RTL1: variants seen among roughly 807,000 people sequenced by gnomAD.
RTL1 encodes retrotransposon-like protein 1.
For missense variants in RTL1, 1,681 were observed against 1,767.5 expected, an observed-to-expected ratio of 0.95 and a Z score of 0.88; for synonymous variants, 727 against 748.4, an observed-to-expected ratio of 0.97 and a Z score of 0.47.
Position 100,893,895 on chromosome 14 carries a change from A to G in RTL1, c.-148-390T>C, listed in dbSNP as rs1260810016. ...GACTGGGCAAGGACTAAGTCCAGCCAGAGCGTCAGCCTCGCTGGCGTCCTC... is the reference window on the plus strand; with the variant it reads ...GACTGGGCAAGGACTAAGTCCAGCCGGAGCGTCAGCCTCGCTGGCGTCCTC... On this transcript the variant is annotated intron_variant, in intron 2 of 3. Transcript: ENST00000649591. The surrounding 1 kb of genome is among the most constrained non-coding windows in gnomAD (Gnocchi z 4.2). Among the ~76,000 whole-genome samples, 2 of 152,246 alleles carry G rather than the reference A, an allele frequency of 1.3e-5. No homozygotes were observed. Among genetic ancestry groups the G allele is most frequent in the Non-Finnish European group, 2.9e-5 (2 of 68,040 alleles).
chr14:100,894,317 A>AG (rs1208877464), intron 2 of RTL1, among the ~76,000 whole-genome samples: 1 of 149,328 alleles, frequency 6.7e-6, no homozygotes, highest in Non-Finnish European at 1.5e-5. Context: ...CTCAAAAAAA[A>AG]AAAAAAAAAG....
In RTL1 at chr14:100,879,879, G is replaced by C. The variant is rs921261116; in HGVS notation, c.*833C>G. ...CCAGAGCCTCTCTGTGACTCGGCAT[G>C]GTCCCCTGGGTGTCTGTGTGCCTTC... On this transcript the variant is annotated 3_prime_UTR_variant, in exon 4 of 4. Coordinates refer to ENST00000649591, the MANE Select transcript of RTL1 (RefSeq NM_001134888.3). Among the ~76,000 whole-genome samples, 1 of 151,970 alleles carries C rather than the reference G, an allele frequency of 6.6e-6. No individual in the cohort carries two copies. Among genetic ancestry groups the C allele is most frequent in the African/African-American group, 2.4e-5 (1 of 41,370 alleles).
Position 100,884,087 on chromosome 14 carries a change from G to A in RTL1, c.702C>T (p.Asp234=). Residue 234 remains aspartate, a synonymous_variant, in exon 4 of 4, where the codon GAC becomes GAT. Transcript: ENST00000649591. ...LQSYPRMFYN[D]RLRVGYVINH... is the part of the protein sequence containing the mutation. ...TGATGACATAGCCAACTCTCAGACG[G>A]TCGTTATAGAACATTCTTGGGTAGC... 6.4e-7 allele frequency: 1 copy of A among 1,551,728 alleles called. No individual in the cohort carries two copies. Among genetic ancestry groups the A allele is most frequent in the Non-Finnish European group, 8.7e-7 (1 of 1,147,000 alleles).
intron 3 of RTL1, among the ~76,000 whole-genome samples, chr14:100,890,323 G>T (rs1306486245): frequency 1.3e-5 from 2 of 151,854 alleles, no homozygotes; most frequent in African/African-American, 4.8e-5. Flanking sequence ...GGCCATGGGG[G>T]GGACAAATCC....
At chr14:100,902,510 C>T (rs533258486) in intron 2 of RTL1, among the ~76,000 whole-genome samples, 4 of 152,184 alleles carry the variant, frequency 2.6e-5, no homozygotes, top group Non-Finnish European at 5.9e-5. Flanking sequence ...TTTTCTATGG[C>T]CCCTTTTCCA....
chr14:100,886,589 A>G (rs1430825983), intron 3 of RTL1, among the ~76,000 whole-genome samples: 2 of 151,374 alleles, frequency 1.3e-5, no homozygotes, highest in African/African-American at 4.9e-5. Context: ...TATAAGAATC[A>G]TCATCATCAT....
Position 100,883,097 on chromosome 14 carries a change from G to A in RTL1, c.1692C>T (p.Asp564=), listed in dbSNP as rs2038642330. Residue 564 remains aspartate, a synonymous_variant, in exon 4 of 4, where the codon GAC becomes GAT. Coordinates refer to ENST00000649591, the MANE Select transcript of RTL1 (RefSeq NM_001134888.3). The surrounding 1 kb of genome is among the most constrained non-coding windows in gnomAD (Gnocchi z 5.9). ...GLPHPYSDLA[D]VFNPKEADDE... ...CATCTGCTTCCTTCGGGTTAAACAC[G>A]TCGGCCAGGTCTGAGTATGGGTGTG... 2.5e-6 allele frequency: 4 copies of A among 1,613,558 alleles called. No homozygotes were observed. Among genetic ancestry groups the A allele is most frequent in the South Asian group, 2.2e-5 (2 of 90,890 alleles).
Position 100,881,652 on chromosome 14 carries a change from A to C in RTL1, c.3137T>G (p.Leu1046Arg). 6.4e-7 allele frequency: 1 copy of C among 1,552,346 alleles called. No individual in the cohort carries two copies. Residue 1046 changes from leucine (L) to arginine (R), a missense_variant, in exon 4 of 4, where the codon CTA becomes CGA. By Grantham distance (102) the Leu-to-Arg change is moderately radical. Coordinates refer to ENST00000649591, the MANE Select transcript of RTL1 (RefSeq NM_001134888.3). The surrounding 1 kb of genome is among the most constrained non-coding windows in gnomAD (Gnocchi z 6.6). ...TATCATGGCCAGCAGCTCTTGCCGT[A>C]GGATCTGTTCATTGAGCTCATCCTG... is the stretch of plus-strand genomic sequence containing the variant. The part of the protein sequence containing the change: ...EEQDELNEQI[L>R]RQELLAMIPI...
chr14:100,890,808 T>C (rs1361683992), intron 3 of RTL1, among the ~76,000 whole-genome samples: 1 of 152,036 alleles, frequency 6.6e-6, no homozygotes, highest in Non-Finnish European at 1.5e-5. Flanking sequence ...CCCCAGCAGC[T>C]CCCTCTGCTG....
Position 100,879,883 on chromosome 14 carries a change from C to A in RTL1, c.*829G>T, listed in dbSNP as rs966233384. On this transcript the variant is annotated 3_prime_UTR_variant, in exon 4 of 4. Transcript: ENST00000649591. ...AGCCTCTCTGTGACTCGGCATGGTC[C>A]CCTGGGTGTCTGTGTGCCTTCTGGG... 2.0e-5 allele frequency among the ~76,000 whole-genome samples: 3 copies of A among 151,810 alleles called. No homozygotes were observed. Among genetic ancestry groups the A allele is most frequent in the African/African-American group, 7.3e-5 (3 of 41,336 alleles).
rs530268505 is a variant in RTL1 at position 100,880,445 on chromosome 14, C to T, written c.*267G>A. Among the ~76,000 whole-genome samples the T allele has an allele frequency of 4.6e-5, 7 of 152,208 alleles. No individual in the cohort carries two copies. The highest frequency in any genetic ancestry group is 1.3e-4 in the Admixed American group (2 of 15,290). ...CTTTCTCCCTCATGGATGTCACTCC[C>T]GGGCATGGGCTTGGGACCTGGAGAA... is the stretch of plus-strand genomic sequence containing the variant. On this transcript the variant is annotated 3_prime_UTR_variant, in exon 4 of 4. Coordinates refer to ENST00000649591, the MANE Select transcript of RTL1 (RefSeq NM_001134888.3).
chr14:100,893,866 C>G lies in RTL1; in HGVS notation c.-148-361G>C, dbSNP rs947608775. 2.0e-5 allele frequency among the ~76,000 whole-genome samples: 3 copies of G among 152,196 alleles called. No individual in the cohort carries two copies. The highest frequency in any genetic ancestry group is 2.9e-5 in the Non-Finnish European group (2 of 68,038). ...CCCGGGCCCACGCTCACTTTAATAACCCGGACTGGGCAAGGACTAAGTCCA... is the reference window on the plus strand; with the variant it reads ...CCCGGGCCCACGCTCACTTTAATAAGCCGGACTGGGCAAGGACTAAGTCCA... On this transcript the variant is annotated intron_variant, in intron 2 of 3. Transcript: ENST00000649591. This position sits in a 1 kb window ranked among gnomAD's most constrained non-coding sequence, Gnocchi z 4.2.
chr14:100,902,583 C>T (rs1334065420), intron 2 of RTL1, among the ~76,000 whole-genome samples: 3 of 152,010 alleles, frequency 2.0e-5, no homozygotes, highest in African/African-American at 7.2e-5. Flanking sequence ...GCTGGCCTCC[C>T]GGCCAGCCCT....
chr14:100,882,207 C>G lies in RTL1; in HGVS notation c.2582G>C (p.Arg861Pro). Residue 861 changes from arginine (R) to proline (P), a missense_variant, in exon 4 of 4, where the codon CGC becomes CCC. Coordinates refer to ENST00000649591, the MANE Select transcript of RTL1 (RefSeq NM_001134888.3). ...GGGGTGGTGGAGGAGAGGCGCCTTG[C>G]GGAAAGCCCTCTTCAGGCACTCGAA... ...EAFECLKRAF[R>P]KAPLLHHPKP... 6.4e-7 allele frequency: 1 copy of G among 1,550,648 alleles called. No homozygotes were observed.
At position 100,881,435 on chromosome 14, in the gene RTL1, G is replaced by C; in HGVS notation, c.3354C>G (p.Pro1118=). The C allele has an allele frequency of 6.4e-7, 1 of 1,550,820 alleles. No individual in the cohort carries two copies. The highest frequency in any genetic ancestry group is 8.7e-7 in the Non-Finnish European group (1 of 1,146,922). ...TGAGTCGTAGGGAGCGCTGGGGCTG[G>C]GGCCGAGCCACCCGCATGGCGGGTG... is the stretch of plus-strand genomic sequence containing the variant. The part of the protein sequence containing the change: ...RPAPAMRVAR[P]QPQRSLRLIL... Residue 1118 remains proline (P), a synonymous_variant, in exon 4 of 4, where the codon CCC becomes CCG. Transcript: ENST00000649591. This position sits in a 1 kb window ranked among gnomAD's most constrained non-coding sequence, Gnocchi z 6.6.
rs769974976 is a variant in RTL1, at chr14:100,883,103, C to T, written c.1686G>A (p.Leu562=). Residue 562 remains leucine, a synonymous_variant, in exon 4 of 4, where the codon CTG becomes CTA. Coordinates refer to ENST00000649591, the MANE Select transcript of RTL1 (RefSeq NM_001134888.3). This position sits in a 1 kb window ranked among gnomAD's most constrained non-coding sequence, Gnocchi z 5.9. The stretch of plus-strand genomic sequence containing the variant: ...CTTCCTTCGGGTTAAACACGTCGGC[C>T]AGGTCTGAGTATGGGTGTGGCAGTC... The part of the protein sequence containing the change: ...LPGLPHPYSD[L]ADVFNPKEAD... The T allele has an allele frequency of 6.2e-7, 1 of 1,613,454 alleles. No individual in the cohort carries two copies. The highest frequency in any genetic ancestry group is 8.5e-7 in the Non-Finnish European group (1 of 1,179,780).
At chr14:100,897,499 T>C (rs1318130246) in intron 2 of RTL1, 1 of 152,212 alleles carries the variant, frequency 6.6e-6, no homozygotes, top group African/African-American at 2.4e-5. Flanking sequence ...TTTTTTTCTG[T>C]GCATTTGCAT....
intron 2 of RTL1, among the ~76,000 whole-genome samples, chr14:100,898,672 G>A (rs1351418185): frequency 6.6e-6 from 1 of 152,194 alleles, no homozygotes; most frequent in Non-Finnish European, 1.5e-5. Flanking sequence ...GGGGCTACCT[G>A]TTTCTCTCAG....
rs2038643211 is a variant in RTL1, at chr14:100,883,143, A to G, written c.1646T>C (p.Met549Thr). ...GTGTGGCAGTCCGGGTAGCAGGCTCATGCCGTGCCTCTCTAGGGCAATGCA... is the reference window on the plus strand; with the variant it reads ...GTGTGGCAGTCCGGGTAGCAGGCTCGTGCCGTGCCTCTCTAGGGCAATGCA... ...PPCIALERHGMSLLPGLPHPY... is the reference protein window; with the variant it reads ...PPCIALERHGTSLLPGLPHPY... The change falls in exon 4 of 4, where the codon ATG (methionine) becomes ACG (threonine). Residue 549 changes from methionine (M) to threonine (T), a missense_variant. Coordinates refer to ENST00000649591, the MANE Select transcript of RTL1 (RefSeq NM_001134888.3). The surrounding 1 kb of genome is among the most constrained non-coding windows in gnomAD (Gnocchi z 5.9). 6.2e-7 allele frequency: 1 copy of G among 1,607,872 alleles called. No individual in the cohort carries two copies. Among genetic ancestry groups the G allele is most frequent in the African/African-American group, 1.3e-5 (1 of 74,850 alleles).
Sources: gnomAD v4.1 joint callset for allele counts (sites outside exome capture counted in the v4.1 genomes callset) on GRCh38, gnomAD v4.1.1 for gene constraint, Gnocchi (gnomAD v3.1) non-coding constraint, MANE v1.5 for transcripts, NCBI Gene and HGNC (gene_info 2026-07-23, HGNC 2026-07-21) for gene names.